Variants in RALGPS1 observed in about 807,000 individuals in gnomAD.
RALGPS1 encodes the protein ras-specific guanine nucleotide-releasing factor RalGPS1.
A neutral mutation model predicts 78.8 loss-of-function variants in RALGPS1; 19 were observed. The observed-to-expected ratio is 0.24, with a 90% confidence interval of 0.17 to 0.35. The LOEUF (loss-of-function observed/expected upper bound fraction) is 0.35. Among genes scored for constraint, RALGPS1 ranks in the 10% least tolerant of loss-of-function variants. The probability of loss-of-function intolerance (pLI) is 1.00; values close to 1 mark genes in which losing one functional copy is unlikely to be tolerated. For missense variants in RALGPS1, 454 were observed against 688.3 expected (o/e 0.66, Z 3.81); for synonymous variants, 228 against 256.3 (o/e 0.89, Z 1.06).
chr9:126,958,158 T>TATATATATATATATATATATATATAC (rs1345241110), intron 1 of RALGPS1, among the ~76,000 whole-genome samples: 44 of 121,058 alleles, frequency 3.6e-4, no homozygotes, highest in South Asian at 5.9e-4. Context: ...TATATATATA[T>TATATATATATATATATATATATATAC]ACACACACAC....
intron 2 of RALGPS1, among the ~76,000 whole-genome samples, chr9:126,964,368 CAAAA>C (rs1188705839): frequency 7.0e-5 from 3 of 42,874 alleles, no homozygotes; most frequent in Non-Finnish European, 5.2e-5. Flanking sequence ...GACTCCCACT[CAAAA>C]AAAAAAAAAA....
chr9:127,069,498 G>A lies in RALGPS1; in HGVS notation c.610+142G>A, dbSNP rs1001352350. On this transcript the variant is annotated intron_variant, in intron 8 of 18. Transcript: ENST00000259351. ...GGCAATTGGTTGGCTCTTTGGGTTG[G>A]AACAGGCTGTTGGTACTTCCCAAGG... The A allele has an allele frequency of 8.9e-6, 8 of 895,394 alleles. No individual in the cohort carries two copies. In the African/African-American group the frequency reaches 1.2e-4, roughly 13 times the overall value. The allele number at this position is 895,394 out of a possible 1,614,324, so 55.5% of individuals were successfully genotyped here. A position where few individuals can be genotyped will look rare whatever the true frequency, so the allele number is the denominator to read the frequency against.
Position 127,188,097 on chromosome 9 carries a change from T to C in RALGPS1, c.911-6994T>C, listed in dbSNP as rs61431817. 5.3e-3 allele frequency among the ~76,000 whole-genome samples: 753 copies of C among 143,246 alleles called. 22 individuals carry two copies. In the East Asian group the frequency reaches 0.094, roughly 18 times the overall value. The allele number at this position is 143,246 out of a possible 152,430, so 94.0% of individuals were successfully genotyped here. A position where few individuals can be genotyped will look rare whatever the true frequency, so the allele number is the denominator to read the frequency against. ...TTTTTTTTTAGACGGAGTCTCACTCTGTTGCTCAGGCTGGAGTGCAGTGGC... is the reference window on the plus strand; with the variant it reads ...TTTTTTTTTAGACGGAGTCTCACTCCGTTGCTCAGGCTGGAGTGCAGTGGC... On this transcript the variant is annotated intron_variant, in intron 11 of 18. Coordinates refer to ENST00000259351, the MANE Select transcript of RALGPS1 (RefSeq NM_014636.3).
intron 1 of RALGPS1, among the ~76,000 whole-genome samples, chr9:126,956,254 C>G (rs1425794905): frequency 6.6e-6 from 1 of 151,996 alleles, no homozygotes; most frequent in Non-Finnish European, 1.5e-5. Context: ...CAGGGCGGGG[C>G]TAGGCCAGGC....
intron 11 of RALGPS1, among the ~76,000 whole-genome samples, chr9:127,175,425 C>G (rs907170054): frequency 6.6e-6 from 1 of 152,240 alleles, no homozygotes; most frequent in Non-Finnish European, 1.5e-5. Flanking sequence ...TCTGCTCACA[C>G]TGACATTGTG....
At chr9:127,180,738 C>T (rs1407993681) in intron 11 of RALGPS1, among the ~76,000 whole-genome samples, 2 of 152,226 alleles carry the variant, frequency 1.3e-5, no homozygotes, top group Non-Finnish European at 2.9e-5. Flanking sequence ...CACTCACGAG[C>T]CACCCCAGAA....
At chr9:126,937,834 A>G (rs1312562308) in intron 1 of RALGPS1, among the ~76,000 whole-genome samples, 2 of 152,232 alleles carry the variant, frequency 1.3e-5, no homozygotes, top group Non-Finnish European at 2.9e-5. Context: ...GATGGGAGCT[A>G]AAGAAGACAA....
At chr9:126,989,991 T>G in intron 4 of RALGPS1, 1 of 1,550,360 alleles carries the variant, frequency 6.5e-7, no homozygotes, top group South Asian at 1.2e-5. Flanking sequence ...TGCCTGTGGG[T>G]CCAGGAACCT....
chr9:126,969,464 A>ATG (rs2039883106), intron 3 of RALGPS1, among the ~76,000 whole-genome samples: 4 of 152,188 alleles, frequency 2.6e-5, no homozygotes, highest in African/African-American at 9.7e-5. Context: ...CAGTAGCCAC[A>ATG]TGTGGCTAGT....
intron 4 of RALGPS1, among the ~76,000 whole-genome samples, chr9:127,031,421 C>G (rs1034683639): frequency 6.6e-6 from 1 of 152,242 alleles, no homozygotes; most frequent in African/African-American, 2.4e-5. Flanking sequence ...TGTGATAAAT[C>G]TTCTGTGCTG....
chr9:127,124,653 T>C (rs1388829893), intron 8 of RALGPS1, among the ~76,000 whole-genome samples: 1 of 152,224 alleles, frequency 6.6e-6, no homozygotes, highest in Non-Finnish European at 1.5e-5. Context: ...GGGAGCCCTT[T>C]AGAGGAGCTG....
rs564879136 is a variant in RALGPS1 at position 127,023,138 on chromosome 9, A to C, written c.217-11293A>C. On this transcript the variant is annotated intron_variant, in intron 4 of 18. Transcript: ENST00000259351. ...CATCATCATCACCACCACCACCATCATCGTCCAAGAAAGAACTAAAGATAC... is the reference window on the plus strand; with the variant it reads ...CATCATCATCACCACCACCACCATCCTCGTCCAAGAAAGAACTAAAGATAC... Among the ~76,000 whole-genome samples the C allele has an allele frequency of 3.1e-4, 47 of 152,216 alleles. 1 individual carries two copies. In the South Asian group the frequency reaches 9.6e-3, roughly 31 times the overall value.
At position 127,050,073 on chromosome 9, in the gene RALGPS1, A is replaced by G. The variant is rs140485601; in HGVS notation, c.331A>G (p.Thr111Ala). 1 of 1,613,942 alleles carries G rather than the reference A, an allele frequency of 6.2e-7. No homozygotes were observed. Among genetic ancestry groups the G allele is most frequent in the African/African-American group, 1.3e-5 (1 of 74,920 alleles). ...TTTTTGGGTTGTACGAGAAATTCTAACAGCACAGACTTTAAAAATAAGGGC... is the reference window on the plus strand; with the variant it reads ...TTTTTGGGTTGTACGAGAAATTCTAGCAGCACAGACTTTAAAAATAAGGGC... ...VSFWVVREIL[T>A]AQTLKIRAEI... The change falls in exon 6 of 19, where the codon ACA (threonine) becomes GCA (alanine). Residue 111 changes from threonine to alanine, a missense_variant. Coordinates refer to ENST00000259351, the MANE Select transcript of RALGPS1 (RefSeq NM_014636.3).
intron 1 of RALGPS1, among the ~76,000 whole-genome samples, chr9:126,950,134 C>A (rs961893200): frequency 6.6e-6 from 1 of 151,536 alleles, no homozygotes; most frequent in African/African-American, 2.4e-5. Flanking sequence ...AGATACACGG[C>A]GTTATTTTTG....
At chr9:126,986,101 G>T (rs181998861) in intron 4 of RALGPS1, among the ~76,000 whole-genome samples, 50 of 152,334 alleles carry the variant, frequency 3.3e-4, no homozygotes, top group African/African-American at 1.2e-3. Context: ...ACTGAGGGTG[G>T]AGCTGTGGCT....
chr9:127,206,182 T>G (rs2061921351), intron 14 of RALGPS1, among the ~76,000 whole-genome samples: 1 of 152,194 alleles, frequency 6.6e-6, no homozygotes, highest in Non-Finnish European at 1.5e-5. Context: ...TGCTGATCAG[T>G]AGCATCACCT....
At chr9:127,076,464 C>T (rs1197064175) in intron 8 of RALGPS1, among the ~76,000 whole-genome samples, 1 of 152,202 alleles carries the variant, frequency 6.6e-6, no homozygotes, top group Non-Finnish European at 1.5e-5. Flanking sequence ...AGACTTCTAA[C>T]ATGTGAAGTA....
chr9:127,032,377 A>G (rs929592774), intron 4 of RALGPS1, among the ~76,000 whole-genome samples: 2 of 151,304 alleles, frequency 1.3e-5, no homozygotes, highest in African/African-American at 4.8e-5. Flanking sequence ...GCGTGTGCAC[A>G]CACACACACA....
At chr9:127,073,141 A>G (rs1277212939) in intron 8 of RALGPS1, among the ~76,000 whole-genome samples, 1 of 152,184 alleles carries the variant, frequency 6.6e-6, no homozygotes, top group African/African-American at 2.4e-5. Context: ...AGTGTTAACC[A>G]TAATCACCCT....
Sources: allele counts gnomAD v4.1 joint callset (sites outside exome capture counted in the v4.1 genomes callset), GRCh38; gene constraint gnomAD v4.1.1; transcripts MANE v1.5; gene names NCBI Gene and HGNC (gene_info 2026-07-23, HGNC 2026-07-21).